Variants in TRDMT1 observed in about 807,000 individuals in gnomAD.
TRDMT1 encodes the protein tRNA (cytosine(38)-C(5))-methyltransferase.
TRDMT1 carries 49 observed loss-of-function variants against 51.2 expected under a neutral mutation model. That is an observed-to-expected ratio of 0.96 (90% CI 0.76 to 1.21). The LOEUF is 1.21. Among genes scored for constraint, TRDMT1 ranks in the 50% most tolerant of loss-of-function variants. The pLI is 0.00. For missense variants in TRDMT1, 534 were observed against 462.3 expected (o/e 1.16, Z -1.42); for synonymous variants, 187 against 164.6 (o/e 1.14, Z -1.04).
intron 2 of TRDMT1, chr10:17,172,000 C>T (rs1842094894): frequency 6.0e-6 from 1 of 166,970 alleles, no homozygotes; most frequent in Non-Finnish European, 1.5e-5. Flanking sequence ...TCTTCGGTAG[C>T]TATCATTTAC....
In TRDMT1 at chr10:17,146,929, T is replaced by C. The variant is rs143219518; in HGVS notation, c.*2111A>G. ...GCTTGTTACTGCATATTTTCAATTA[T>C]GAATTAAGGGCAAGAATCACCGTCT... On this transcript the variant is annotated 3_prime_UTR_variant, in exon 11 of 11. Transcript: ENST00000377799. 416 of 985,460 alleles carry C rather than the reference T, an allele frequency of 4.2e-4. No homozygotes were observed. Among genetic ancestry groups the C allele is most frequent in the Non-Finnish European group, 4.8e-4 (397 of 829,934 alleles). 61.0% of individuals were successfully genotyped at this position (985,460 alleles called of 1,614,324 possible).
chr10:17,165,849 A>T (rs551494445), intron 3 of TRDMT1, among the ~76,000 whole-genome samples: 3 of 152,188 alleles, frequency 2.0e-5, no homozygotes, highest in Non-Finnish European at 2.9e-5. Flanking sequence ...TAGAATGGCA[A>T]TCATTAAAAA....
At chr10:17,150,379 A>G (rs1292458023) in intron 10 of TRDMT1, 1 of 985,170 alleles carries the variant, frequency 1.0e-6, no homozygotes, top group East Asian at 1.1e-4. Flanking sequence ...GGATACAAGT[A>G]CCCCACGGGT....
chr10:17,148,920 TAAG>T lies in TRDMT1; in HGVS notation c.*117_*119del, dbSNP rs1838345633. On this transcript the variant is annotated 3_prime_UTR_variant, in exon 11 of 11. Transcript: ENST00000377799. ...TTTTAATAAAATCCAAATTTCTTAA[TAAG>T]GACAGATTAAAATAATTTAGTTAAA... 1 of 1,337,604 alleles carries T rather than the reference TAAG, an allele frequency of 7.5e-7. No homozygotes were observed. Among genetic ancestry groups the T allele is most frequent in the Non-Finnish European group, 9.7e-7 (1 of 1,033,438 alleles). 82.9% of individuals were successfully genotyped at this position (1,337,604 alleles called of 1,614,324 possible).
intron 1 of TRDMT1, among the ~76,000 whole-genome samples, chr10:17,176,029 T>C (rs1299620866): frequency 6.6e-6 from 1 of 152,142 alleles, no homozygotes; most frequent in Non-Finnish European, 1.5e-5. Context: ...ATAAAATAAA[T>C]TTGAGGTTAT....
Sources: allele counts gnomAD v4.1 joint callset (sites outside exome capture counted in the v4.1 genomes callset), GRCh38; gene constraint gnomAD v4.1.1; transcripts MANE v1.5; gene names NCBI Gene and HGNC (gene_info 2026-07-23, HGNC 2026-07-21).